CTDSP1: variants seen among roughly 807,000 people sequenced by gnomAD.
The protein encoded by CTDSP1 is carboxy-terminal domain RNA polymerase II polypeptide A small phosphatase 1.
In CTDSP1, 15 loss-of-function variants were observed where a neutral mutation model predicts 32.5. That is an observed-to-expected ratio of 0.46 (90% CI 0.31 to 0.71). CTDSP1 has a LOEUF of 0.71. CTDSP1 is among the 30% of genes least tolerant of loss of function. The pLI, the probability that CTDSP1 is intolerant of heterozygous loss-of-function variation, is 0.05. For synonymous variants in CTDSP1, 185 were observed against 145.4 expected (o/e 1.27, Z -1.96); for missense variants, 294 against 351.1 (o/e 0.84, Z 1.30).
chr2:218,400,682 G>T (rs1697081249), intron 1 of CTDSP1: 1 of 452,368 alleles, frequency 2.2e-6, no homozygotes, highest in African/African-American at 2.0e-5. Context: ...ACGCGTGGAG[G>T]CGCCGACCCC....
At chr2:218,399,831 A>G, upstream of CTDSP1, 5 of 1,195,062 alleles carry the variant, frequency 4.2e-6, no homozygotes, top group Non-Finnish European at 5.2e-6. Context: ...TGCCCTTTTA[A>G]GGGGGAGCCT....
At chr2:218,403,572 C>T in intron 6 of CTDSP1, 155 bp downstream of exon 6, 1 of 630,592 alleles carries the variant, frequency 1.6e-6, no homozygotes, top group Non-Finnish European at 2.7e-6. Flanking sequence ...GCCCACTCCC[C>T]TCATCCACCT....
upstream of CTDSP1, chr2:218,399,690 CG>C (rs1696999636): frequency 1.0e-6 from 1 of 969,788 alleles, no homozygotes; most frequent in East Asian, 1.1e-4. Context: ...CGCCGGCGGG[CG>C]GCAGGAAGGG....
At chr2:218,400,668 C>A (rs1697079865) in intron 1 of CTDSP1, 1 of 447,432 alleles carries the variant, frequency 2.2e-6, no homozygotes, top group Non-Finnish European at 4.5e-6. Flanking sequence ...ACAAACTTCG[C>A]GTCACGCGTG....
chr2:218,403,292 C>A lies in CTDSP1; in HGVS notation c.532C>A (p.Arg178=). ...KWGAFRARLF[R]ESCVFHRGNY... ...GGGGGCCTTCCGGGCCCGGCTGTTT[C>A]GAGAGTCCTGCGTCTTCCACCGGGG... The change falls in exon 6 of 7, where the codon CGA becomes AGA. Residue 178 remains arginine (R), a synonymous_variant. Transcript: ENST00000273062. 1.2e-6 allele frequency: 2 copies of A among 1,614,108 alleles called. No individual in the cohort carries two copies. Among genetic ancestry groups the A allele is most frequent in the Non-Finnish European group, 1.7e-6 (2 of 1,179,984 alleles).
At position 218,401,667 on chromosome 2, in the gene CTDSP1, C is replaced by T. The variant is rs761244574; in HGVS notation, c.171C>T (p.His57=). ...ATGATGGGGAGGCCCTGCCTGCTCA[C>T]AGCGGGGCGCCCCTGCTTGTGGAGG... is the stretch of plus-strand genomic sequence containing the variant. The part of the protein sequence containing the change: ...CRDDGEALPA[H]SGAPLLVEEN... Residue 57 remains histidine (H), a synonymous_variant, in exon 2 of 7, where the codon CAC becomes CAT. Coordinates refer to ENST00000273062, the MANE Select transcript of CTDSP1 (RefSeq NM_021198.3). 6.2e-6 allele frequency: 10 copies of T among 1,607,404 alleles called. No homozygotes were observed. The East Asian group carries it at 8.9e-5, about 14-fold the overall frequency.
chr2:218,405,609 C>T lies in CTDSP1; in HGVS notation c.*1184C>T, dbSNP rs1697369917. The T allele has an allele frequency of 6.5e-6, 1 of 152,936 alleles. No homozygotes were observed. Among genetic ancestry groups the T allele is most frequent in the Non-Finnish European group, 1.5e-5 (1 of 68,164 alleles). The allele number at this position is 152,936 out of a possible 1,614,324, so 9.5% of individuals were successfully genotyped here. On this transcript the variant is annotated 3_prime_UTR_variant, in exon 7 of 7. Coordinates refer to ENST00000273062, the MANE Select transcript of CTDSP1 (RefSeq NM_021198.3). ...GCTGTCCCCTTCCCCTGTGCCAACCCATCTCCTACAGCCCCCTGCCTGATC... is the reference window on the plus strand; with the variant it reads ...GCTGTCCCCTTCCCCTGTGCCAACCTATCTCCTACAGCCCCCTGCCTGATC...
intron 6 of CTDSP1, among the ~76,000 whole-genome samples, chr2:218,404,095 A>G (rs569178516): frequency 1.3e-5 from 2 of 152,136 alleles, no homozygotes; most frequent in African/African-American, 4.8e-5. Flanking sequence ...CTTCGCACAG[A>G]TAAGGTTAGG....
chr2:218,396,950 C>G (rs999632881), upstream of CTDSP1: 5 of 152,288 alleles, frequency 3.3e-5, no homozygotes, highest in African/African-American at 9.7e-5. Flanking sequence ...TGGCAGGATG[C>G]GGTGAAGGGC....
rs1697326363 is a variant in CTDSP1, at chr2:218,404,616, T to C, written c.*191T>C. 1.6e-6 allele frequency: 1 copy of C among 627,442 alleles called. No individual in the cohort carries two copies. The highest frequency in any genetic ancestry group is 2.7e-6 in the Non-Finnish European group (1 of 375,618). 38.9% of individuals were successfully genotyped at this position (627,442 alleles called of 1,614,324 possible). ...GCAGGCTGCACTGAGGACCGTGAGC[T>C]CCAGGCCCCGTGTCAGTGCCTTCAA... On this transcript the variant is annotated 3_prime_UTR_variant, in exon 7 of 7. Coordinates refer to ENST00000273062, the MANE Select transcript of CTDSP1 (RefSeq NM_021198.3).
chr2:218,402,872 G>A, intron 4 of CTDSP1, 163 bp from the exon 5 acceptor site: 1 of 664,172 alleles, frequency 1.5e-6, no homozygotes, highest in Non-Finnish European at 2.8e-6. Flanking sequence ...CGGGGGGTGG[G>A]TACAGTTTCC....
At chr2:218,398,105 A>T (rs540397834), upstream of CTDSP1, among the ~76,000 whole-genome samples, 1 of 151,972 alleles carries the variant, frequency 6.6e-6, no homozygotes, top group Non-Finnish European at 1.5e-5. Flanking sequence ...CCACGACTCC[A>T]CTCAGTCCCT....
At chr2:218,403,612 G>A (rs747739995) in intron 6 of CTDSP1, 195 bp downstream of exon 6, 88 of 534,620 alleles carry the variant, frequency 1.6e-4, no homozygotes, top group Admixed American at 6.0e-4. Flanking sequence ...TTTTCCCCTC[G>A]CACAAAGCAG....
intron 6 of CTDSP1, among the ~76,000 whole-genome samples, chr2:218,404,064 A>T (rs1574801711): frequency 6.6e-6 from 1 of 152,244 alleles, no homozygotes; most frequent in African/African-American, 2.4e-5. Context: ...TGCCTCAAAA[A>T]AAAAAAAAAG....
chr2:218,400,132 G>A lies in CTDSP1; in HGVS notation c.42G>A (p.Glu14=). The change falls in exon 1 of 7, where the codon GAG becomes GAA. Residue 14 remains glutamate (E), a synonymous_variant. Coordinates refer to ENST00000273062, the MANE Select transcript of CTDSP1 (RefSeq NM_021198.3). ...TCATTACTCAGATCAGCAAGGAGGA[G>A]GCTCGGGGCCCGCTGCGGGGCAAAG... The part of the protein sequence containing the change: ...SAVITQISKE[E]ARGPLRGKGD... 3 of 1,545,802 alleles carry A rather than the reference G, an allele frequency of 1.9e-6. No homozygotes were observed. The highest frequency in any genetic ancestry group is 2.6e-6 in the Non-Finnish European group (3 of 1,145,392).
chr2:218,397,212 G>A (rs1696853579), upstream of CTDSP1, among the ~76,000 whole-genome samples: 1 of 152,314 alleles, frequency 6.6e-6, no homozygotes, highest in East Asian at 1.9e-4. Flanking sequence ...GGCTACCCAG[G>A]ACCTGGGCAA....
chr2:218,399,132 C>T (rs887514349), upstream of CTDSP1: 10 of 152,336 alleles, frequency 6.6e-5, no homozygotes, highest in East Asian at 5.8e-4. Flanking sequence ...TCCTCGAGGT[C>T]GGTGGAATTT....
intron 1 of CTDSP1, chr2:218,401,256 C>T: frequency 2.2e-6 from 1 of 461,928 alleles, no homozygotes; most frequent in South Asian, 2.1e-5. Context: ...GGCTGATCAG[C>T]AGCAGTCATG....
Position 218,404,465 on chromosome 2 carries a change from AC to A in CTDSP1, c.*43del, listed in dbSNP as rs761127666. On this transcript the variant is annotated 3_prime_UTR_variant, in exon 7 of 7. Coordinates refer to ENST00000273062, the MANE Select transcript of CTDSP1 (RefSeq NM_021198.3). ...CCAGGACCTGCCCCTGACCAATGAT[AC>A]CCACACCTCCTCCCAGGAAGACTGC... The A allele has an allele frequency of 2.5e-5, 41 of 1,607,992 alleles. 1 individual carries two copies. The highest frequency in any genetic ancestry group is 3.3e-5 in the Non-Finnish European group (39 of 1,176,524).
Sources: allele counts gnomAD v4.1 joint callset (sites outside exome capture counted in the v4.1 genomes callset), GRCh38; gene constraint gnomAD v4.1.1; transcripts MANE v1.5; gene names NCBI Gene and HGNC (gene_info 2026-07-23, HGNC 2026-07-21).